The following CEP41 variants were observed in gnomAD, a reference collection of about 807,000 sequenced individuals.
CEP41 encodes centrosomal protein 41.
Under a neutral mutation model 44.3 loss-of-function variants are expected in CEP41, and 32 were observed. That is an observed-to-expected ratio of 0.72 (90% CI 0.54 to 0.97). The LOEUF is 0.97. Ranked by LOEUF, CEP41 falls within the 50% of genes least tolerant of loss-of-function variation. The pLI, the probability that CEP41 is intolerant of heterozygous loss-of-function variation, is 0.00. For missense variants in CEP41, 432 were observed against 455.2 expected, an observed-to-expected ratio of 0.95 and a Z score of 0.46; for synonymous variants, 151 against 168.5, an observed-to-expected ratio of 0.90 and a Z score of 0.80.
chr7:130,433,820 T>G (rs1190904348), intron 1 of CEP41, among the ~76,000 whole-genome samples: 1 of 152,212 alleles, frequency 6.6e-6, no homozygotes, highest in Non-Finnish European at 1.5e-5. Context: ...ATCTTGTAGA[T>G]CTCTGTACCT....
At chr7:130,430,631 T>C (rs891068979) in intron 1 of CEP41, among the ~76,000 whole-genome samples, 15 of 152,140 alleles carry the variant, frequency 9.9e-5, no homozygotes, top group African/African-American at 3.4e-4. Flanking sequence ...GACAATATCA[T>C]GGCAAAATGA....
intron 2 of CEP41, among the ~76,000 whole-genome samples, chr7:130,424,733 AT>A (rs1554423005): frequency 1.3e-5 from 2 of 152,184 alleles, no homozygotes; most frequent in Admixed American, 6.5e-5. Context: ...GAACTTATAT[AT>A]AAAACTTTTA....
chr7:130,412,375 C>T (rs1197802265), intron 3 of CEP41, 135 bp from the exon 4 acceptor site: 1 of 619,658 alleles, frequency 1.6e-6, no homozygotes, highest in East Asian at 2.8e-5. Flanking sequence ...CTCATGATAT[C>T]ATCAAAATTA....
intron 3 of CEP41, among the ~76,000 whole-genome samples, chr7:130,416,036 A>G (rs1327006463): frequency 6.6e-6 from 1 of 152,218 alleles, no homozygotes; most frequent in African/African-American, 2.4e-5. Flanking sequence ...TATTGCAGCA[A>G]TTCAAATGGA....
chr7:130,398,800 G>T lies in CEP41; in HGVS notation c.*91C>A. ...ATACATATGTCATGGTCTTTCCTCT[G>T]CAGAAGTTTCTGGAAATGACCCAAC... is the stretch of plus-strand genomic sequence containing the variant. On this transcript the variant is annotated 3_prime_UTR_variant, in exon 11 of 11. Transcript: ENST00000223208. 1 of 1,450,214 alleles carries T rather than the reference G, an allele frequency of 6.9e-7. No individual in the cohort carries two copies. The highest frequency in any genetic ancestry group is 9.7e-7 in the Non-Finnish European group (1 of 1,034,600). The allele number at this position is 1,450,214 out of a possible 1,614,324, so 89.8% of individuals were successfully genotyped here. A position where few individuals can be genotyped will look rare whatever the true frequency, so the allele number is the denominator to read the frequency against.
At chr7:130,402,820 C>T in intron 6 of CEP41, 21 bp from the exon 7 acceptor site, 1 of 1,613,988 alleles carries the variant, frequency 6.2e-7, no homozygotes, top group East Asian at 2.2e-5. Context: ...AAAAGTAGGT[C>T]AGCAGAAACT....
At chr7:130,399,663 C>CA (rs1336173644) in intron 10 of CEP41, 1 of 251,654 alleles carries the variant, frequency 4.0e-6, no homozygotes, top group Non-Finnish European at 7.8e-6. Context: ...ACTTAAAATA[C>CA]AAAAAAATTA....
chr7:130,416,319 A>G (rs559411713), intron 3 of CEP41, among the ~76,000 whole-genome samples: 14 of 152,356 alleles, frequency 9.2e-5, no homozygotes, highest in East Asian at 3.9e-4. Context: ...TCAGTTTTGG[A>G]TGCAGACTGA....
chr7:130,439,953 T>C (rs1798092497), intron 1 of CEP41, among the ~76,000 whole-genome samples: 1 of 152,198 alleles, frequency 6.6e-6, no homozygotes, highest in Non-Finnish European at 1.5e-5. Context: ...TCGTAACATC[T>C]TGCTCCCCGA....
At chr7:130,438,440 T>C (rs1265311861) in intron 1 of CEP41, among the ~76,000 whole-genome samples, 1 of 152,086 alleles carries the variant, frequency 6.6e-6, no homozygotes, top group African/African-American at 2.4e-5. Context: ...TGCGCCATAG[T>C]CTCAGCTACC....
At chr7:130,420,932 T>C in intron 2 of CEP41, 1 of 982,236 alleles carries the variant, frequency 1.0e-6, no homozygotes, top group Non-Finnish European at 1.2e-6. Context: ...CTTTAAACTA[T>C]GTACAACTTG....
chr7:130,433,916 C>T (rs1417658548), intron 1 of CEP41, among the ~76,000 whole-genome samples: 1 of 152,154 alleles, frequency 6.6e-6, no homozygotes, highest in African/African-American at 2.4e-5. Flanking sequence ...GCTGGTGCCA[C>T]GTGGGCAGCA....
At position 130,395,880 on chromosome 7, in the gene CEP41, TAAA is replaced by T. The variant is rs34126172; in HGVS notation, c.*3008_*3010del. 95 of 415,298 alleles carry T rather than the reference TAAA, an allele frequency of 2.3e-4. No individual in the cohort carries two copies. Among genetic ancestry groups the T allele is most frequent in the Admixed American group, 8.2e-4 (29 of 35,208 alleles). 25.7% of individuals were successfully genotyped at this position (415,298 alleles called of 1,614,324 possible). A position where few individuals can be genotyped will look rare whatever the true frequency, so the allele number is the denominator to read the frequency against. On this transcript the variant is annotated 3_prime_UTR_variant, in exon 11 of 11. Coordinates refer to ENST00000223208, the MANE Select transcript of CEP41 (RefSeq NM_018718.3). ...CTGGTCCTGGCTAACCACTAAAGGT[TAAA>T]AAAAAAAAAAAAGATAAAAGATAAA...
rs1554416172 is a variant in CEP41, at chr7:130,399,018, G to C, written c.995C>G (p.Ser332Cys). The C allele has an allele frequency of 6.2e-7, 1 of 1,614,028 alleles. No homozygotes were observed. The highest frequency in any genetic ancestry group is 1.3e-5 in the African/African-American group (1 of 74,944). ...AGGCACCTTGGACTCTCTTCCGGAG[G>C]AGTTAGCTTGGTTCAGTCGGCCTGA... ...DHPSRLNQAN[S>C]SGRESKVPGA... Residue 332 changes from serine (S) to cysteine (C), a missense_variant, in exon 11 of 11, where the codon TCC becomes TGC. By Grantham distance (112) the Ser-to-Cys change is moderately radical. Coordinates refer to ENST00000223208, the MANE Select transcript of CEP41 (RefSeq NM_018718.3).
At chr7:130,400,436 A>G (rs1388341357) in intron 9 of CEP41, 182 bp from the exon 10 acceptor site, 3 of 658,502 alleles carry the variant, frequency 4.6e-6, no homozygotes, top group Non-Finnish European at 8.2e-6. Flanking sequence ...CTGTTGTTAC[A>G]TGGGATTCTG....
intron 2 of CEP41, chr7:130,421,969 C>G (rs1797522406): frequency 6.5e-7 from 1 of 1,535,904 alleles, no homozygotes; most frequent in African/African-American, 1.4e-5. Context: ...ATGGCACAGT[C>G]TGGCAGTGCT....
chr7:130,421,297 G>C, intron 2 of CEP41: 3 of 985,386 alleles, frequency 3.0e-6, no homozygotes, highest in Non-Finnish European at 3.6e-6. Flanking sequence ...TATAAGGCAC[G>C]AACTCAGTTG....
intron 2 of CEP41, among the ~76,000 whole-genome samples, chr7:130,427,750 G>C (rs1292568495): frequency 6.6e-6 from 1 of 152,032 alleles, no homozygotes; most frequent in African/African-American, 2.4e-5. Flanking sequence ...ATGTGGTAAG[G>C]AATAATAAGC....
intron 2 of CEP41, chr7:130,417,263 A>G (rs559788753): frequency 8.4e-7 from 1 of 1,189,540 alleles, no homozygotes; most frequent in Admixed American, 4.0e-5. Flanking sequence ...TTTGTTTTTC[A>G]AGTCTAGGCT....
Sources: allele counts gnomAD v4.1 joint callset (sites outside exome capture counted in the v4.1 genomes callset), GRCh38; gene constraint gnomAD v4.1.1; transcripts MANE v1.5; gene names NCBI Gene and HGNC (gene_info 2026-07-23, HGNC 2026-07-21).